The following ZNF365 variants were observed in gnomAD, a reference collection of about 807,000 sequenced individuals.
ZNF365 encodes the protein protein ZNF365.
ZNF365 carries 22 observed loss-of-function variants against 35.0 expected under a neutral mutation model. That is an observed-to-expected ratio of 0.63 (90% CI 0.45 to 0.90). The LOEUF (loss-of-function observed/expected upper bound fraction) is 0.90, where lower values mean the gene tolerates loss of function less well. Ranked by LOEUF, ZNF365 falls within the 40% of genes least tolerant of loss-of-function variation. ZNF365 has a pLI of 0.00. For synonymous variants in ZNF365, 188 were observed against 196.2 expected (o/e 0.96, Z 0.35); for missense variants, 448 against 500.3 (o/e 0.90, Z 1.00).
At chr10:62,453,225 C>T (rs1337058348) in intron 3 of ZNF365, among the ~76,000 whole-genome samples, 5 of 152,118 alleles carry the variant, frequency 3.3e-5, no homozygotes, top group Non-Finnish European at 2.9e-5. Flanking sequence ...TTAGGGTATC[C>T]ATCACCAAAT....
At chr10:62,403,029 C>T (rs537265747), downstream of ZNF365, among the ~76,000 whole-genome samples, 1 of 152,274 alleles carries the variant, frequency 6.6e-6, no homozygotes, top group African/African-American at 2.4e-5. Flanking sequence ...TTAGGGACAT[C>T]GACTCCTGCG....
intron 2 of ZNF365, among the ~76,000 whole-genome samples, chr10:62,386,029 T>C (rs1274845227): frequency 6.6e-6 from 1 of 152,136 alleles, no homozygotes; most frequent in Non-Finnish European, 1.5e-5. Context: ...ATTCTCAGAC[T>C]CCAAATGAAT....
chr10:62,414,838 G>A lies in ZNF365; in HGVS notation c.924+26262G>A, dbSNP rs1398754465. The stretch of plus-strand genomic sequence containing the variant: ...GGGATACAGGCTATATGTATGCTAT[G>A]CCTTTTCACTGTGTTCCACGTTTCT... On this transcript the variant is annotated intron_variant, in intron 3 of 4. Transcript: ENST00000395255. Among the ~76,000 whole-genome samples, 14 of 152,028 alleles carry A rather than the reference G, an allele frequency of 9.2e-5. No individual in the cohort carries two copies. The East Asian group carries it at 2.7e-3, about 29-fold the overall frequency.
chr10:62,479,927 G>C, exon 5 of ZNF365: 2 of 1,612,680 alleles, frequency 1.2e-6, no homozygotes, highest in African/African-American at 2.7e-5. Context: ...TCTGGATGAG[G>C]ACTTGGATCA....
intron 4 of ZNF365, among the ~76,000 whole-genome samples, chr10:62,466,427 C>A (rs1400995755): frequency 6.6e-6 from 1 of 152,160 alleles, no homozygotes; most frequent in African/African-American, 2.4e-5. Context: ...TCACACACCC[C>A]CTGCCACTCT....
intron 3 of ZNF365, among the ~76,000 whole-genome samples, chr10:62,412,179 C>A (rs117463528): frequency 0.016 from 2,402 of 152,144 alleles, 57 homozygotes; most frequent in East Asian, 0.077. Flanking sequence ...GAACTAAAGA[C>A]AAATAACACA....
At position 62,399,527 on chromosome 10, in the gene ZNF365, G is replaced by A. The variant is rs1839788498; in HGVS notation, c.963-1G>A. 6.2e-7 allele frequency: 1 copy of A among 1,613,602 alleles called. No homozygotes were observed. Among genetic ancestry groups the A allele is most frequent in the Non-Finnish European group, 8.5e-7 (1 of 1,179,820 alleles). ...CCACTCCCCCCTCCAACCCTCTGTA[G>A]AAGCCGAGGGCACCCGCATTCGGTA... On this transcript the variant is annotated splice_acceptor_variant, in intron 4 of 4. Transcript: ENST00000395254. LOFTEE classifies it high-confidence loss of function.
rs77309763 is a variant in ZNF365, at chr10:62,401,494, G to A, written c.*1705G>A. The A allele has an allele frequency of 6.1e-6, 6 of 976,834 alleles. No individual in the cohort carries two copies. Among genetic ancestry groups the A allele is most frequent in the African/African-American group, 1.8e-5 (1 of 56,574 alleles). 60.5% of individuals were successfully genotyped at this position (976,834 alleles called of 1,614,324 possible). On this transcript the variant is annotated 3_prime_UTR_variant, in exon 5 of 5. Transcript: ENST00000395254. ...CTTTGACTTTCAGTTTATGGGGGGG[G>A]TAGATCATTCATGTGATATATAAGC...
downstream of ZNF365, among the ~76,000 whole-genome samples, chr10:62,407,366 C>A (rs534151733): frequency 6.6e-5 from 10 of 152,280 alleles, no homozygotes; most frequent in African/African-American, 2.4e-4. Context: ...TTAAGCTTTT[C>A]CTTTGAGATA....
intron 2 of ZNF365, among the ~76,000 whole-genome samples, chr10:62,382,451 A>G (rs1231351030): frequency 6.6e-6 from 1 of 152,202 alleles, no homozygotes; most frequent in Non-Finnish European, 1.5e-5. Context: ...ATATCCTCTC[A>G]GGGTTGGCAC....
chr10:62,426,010 A>T (rs1241319923), intron 3 of ZNF365, among the ~76,000 whole-genome samples: 3 of 152,194 alleles, frequency 2.0e-5, no homozygotes, highest in Non-Finnish European at 4.4e-5. Flanking sequence ...AATGATTGAC[A>T]AACTTGTCAA....
chr10:62,448,757 GGA>G (rs1197130282), intron 3 of ZNF365, among the ~76,000 whole-genome samples: 2 of 151,608 alleles, frequency 1.3e-5, no homozygotes, highest in Middle Eastern at 3.5e-3. Flanking sequence ...TCCTAGCTAT[GGA>G]TCCATCATAT....
chr10:62,382,105 C>T (rs1294462404), intron 2 of ZNF365, among the ~76,000 whole-genome samples: 1 of 152,156 alleles, frequency 6.6e-6, no homozygotes, highest in African/African-American at 2.4e-5. Flanking sequence ...AGGTAATGCC[C>T]ATTTAGGTTT....
At chr10:62,404,214 A>G (rs1589438383), downstream of ZNF365, among the ~76,000 whole-genome samples, 1 of 152,308 alleles carries the variant, frequency 6.6e-6, no homozygotes, top group East Asian at 1.9e-4. Context: ...TACATTTTGC[A>G]TATGTGGAGG....
chr10:62,401,432 C>T lies in ZNF365; in HGVS notation c.*1643C>T, dbSNP rs2132431072. ...TGTAACTTATCATTATACAAACATT[C>T]TGAACCTACCATAATGAAAATGTTC... On this transcript the variant is annotated 3_prime_UTR_variant, in exon 5 of 5. Coordinates refer to ENST00000395254, the MANE Select transcript of ZNF365 (RefSeq NM_014951.3). The T allele has an allele frequency of 7.1e-6, 7 of 985,442 alleles. No homozygotes were observed. The highest frequency in any genetic ancestry group is 8.4e-6 in the Non-Finnish European group (7 of 829,906). The allele number at this position is 985,442 out of a possible 1,614,324, so 61.0% of individuals were successfully genotyped here.
intron 4 of ZNF365, 85 bp from the exon 5 acceptor site, chr10:62,399,443 C>A: frequency 6.5e-7 from 1 of 1,540,006 alleles, no homozygotes; most frequent in Non-Finnish European, 8.8e-7. Context: ...AGAGATTGTG[C>A]CATGAGTAAT....
chr10:62,478,987 G>T (rs7475075), intron 4 of ZNF365, among the ~76,000 whole-genome samples: 1 of 152,174 alleles, frequency 6.6e-6, no homozygotes, highest in African/African-American at 2.4e-5. Context: ...TCTTATCAAA[G>T]AATTTCTATT....
chr10:62,476,136 G>A (rs1244122443), intron 4 of ZNF365, among the ~76,000 whole-genome samples: 3 of 151,522 alleles, frequency 2.0e-5, no homozygotes, highest in African/African-American at 7.3e-5. Context: ...ATGGCCCAGG[G>A]ACCTACACCT....
At chr10:62,392,631 TG>T in intron 3 of ZNF365, among the ~76,000 whole-genome samples, 1 of 151,918 alleles carries the variant, frequency 6.6e-6, no homozygotes, top group Non-Finnish European at 1.5e-5. Context: ...TTTGTTTGTT[TG>T]TTTGTTTGTT....
Sources: gnomAD v4.1 joint callset for allele counts (sites outside exome capture counted in the v4.1 genomes callset) on GRCh38, gnomAD v4.1.1 for gene constraint, MANE v1.5 for transcripts, NCBI Gene and HGNC (gene_info 2026-07-23, HGNC 2026-07-21) for gene names.